The following SLC14A2 variants were observed in gnomAD, a reference collection of about 807,000 sequenced individuals.
SLC14A2 encodes urea transporter 2.
SLC14A2 carries 91 observed loss-of-function variants against 104.6 expected under a neutral mutation model. That is an observed-to-expected ratio of 0.87 (90% CI 0.73 to 1.04). SLC14A2 has a LOEUF of 1.04. Among genes scored for constraint, SLC14A2 ranks in the 50% least tolerant of loss-of-function variants. The probability of loss-of-function intolerance (pLI) is 0.00; values close to 1 mark genes in which losing one functional copy is unlikely to be tolerated. For synonymous variants in SLC14A2, 476 were observed against 466.4 expected (o/e 1.02, Z -0.27); for missense variants, 1,189 against 1,156.0 (o/e 1.03, Z -0.41).
chr18:45,596,003 G>A (rs2044714812), intron 2 of SLC14A2, among the ~76,000 whole-genome samples: 2 of 152,204 alleles, frequency 1.3e-5, no homozygotes, highest in South Asian at 4.2e-4. Context: ...TGAGTGGTAC[G>A]GACTTCATCC....
At chr18:45,388,366 A>G (rs545179696) in intron 1 of SLC14A2, among the ~76,000 whole-genome samples, 3 of 152,032 alleles carry the variant, frequency 2.0e-5, no homozygotes, top group African/African-American at 4.8e-5. Flanking sequence ...CCGGCTGCTC[A>G]TATCTTAAAT....
At chr18:45,426,509 C>A (rs139284092) in intron 1 of SLC14A2, among the ~76,000 whole-genome samples, 2 of 150,916 alleles carry the variant, frequency 1.3e-5, no homozygotes, top group Admixed American at 1.3e-4. Flanking sequence ...TATGTTTTAT[C>A]CCTGATAACA....
rs2086139358 is a variant in SLC14A2 at position 45,405,122 on chromosome 18, A to G, written c.-124-78111A>G. Among the ~76,000 whole-genome samples, 3 of 152,326 alleles carry G rather than the reference A, an allele frequency of 2.0e-5. No homozygotes were observed. In the South Asian group the frequency reaches 6.2e-4, roughly 32 times the overall value. ...GTGCTTACCTTGAAAGAAGCCCTCC[A>G]GTCATTTTCTAGACAGAGTCTGGGA... On this transcript the variant is annotated intron_variant, in intron 1 of 20. Transcript: ENST00000586448.
At chr18:45,383,199 G>A (rs2085857272) in intron 1 of SLC14A2, among the ~76,000 whole-genome samples, 1 of 152,188 alleles carries the variant, frequency 6.6e-6, no homozygotes, top group African/African-American at 2.4e-5. Flanking sequence ...CAAGACCTAG[G>A]TCTCCTGATT....
chr18:45,617,322 AG>A (rs2045089628), intron 1 of SLC14A2, among the ~76,000 whole-genome samples: 1 of 152,024 alleles, frequency 6.6e-6, no homozygotes. Flanking sequence ...CTGGCCCTGC[AG>A]CAGAAACCAG....
chr18:45,177,559 T>G, the SLC14A2 span, among the ~76,000 whole-genome samples: 1 of 152,174 alleles, frequency 6.6e-6, no homozygotes, highest in African/African-American at 2.4e-5. Context: ...GCATCTGGAA[T>G]GCTCTCCCTC....
At chr18:45,405,475 G>A (rs762648420) in intron 1 of SLC14A2, among the ~76,000 whole-genome samples, 2 of 152,076 alleles carry the variant, frequency 1.3e-5, no homozygotes, top group Non-Finnish European at 2.9e-5. Flanking sequence ...AAAGCAAGTC[G>A]CCTGAAGTGC....
chr18:45,347,461 T>C (rs978141382), intron 1 of SLC14A2, among the ~76,000 whole-genome samples: 6 of 152,236 alleles, frequency 3.9e-5, no homozygotes, highest in African/African-American at 1.4e-4. Context: ...TATTTTCTTT[T>C]CATAAAGAGA....
At chr18:45,595,270 T>C (rs1487850443) in intron 2 of SLC14A2, among the ~76,000 whole-genome samples, 6 of 152,216 alleles carry the variant, frequency 3.9e-5, no homozygotes, top group African/African-American at 1.4e-4. Context: ...AAAAATGATC[T>C]TCACAACATC....
At chr18:45,476,500 G>A (rs1223827856) in intron 1 of SLC14A2, among the ~76,000 whole-genome samples, 2 of 152,142 alleles carry the variant, frequency 1.3e-5, no homozygotes, top group Admixed American at 6.5e-5. Flanking sequence ...GGCATTTTCA[G>A]TATTTCCTGA....
chr18:45,609,052 G>A lies in SLC14A2; in HGVS notation c.-34-15579G>A, dbSNP rs73423767. On this transcript the variant is annotated intron_variant, in intron 2 of 20. Coordinates refer to the SLC14A2 transcript ENST00000586448. ...TTCATCCTACACAGGATTCTGGGAG[G>A]AGGGGAAGAAGCCCCACCAGGGAGT... is the stretch of plus-strand genomic sequence containing the variant. Among the ~76,000 whole-genome samples, 559 of 152,270 alleles carry A rather than the reference G, an allele frequency of 3.7e-3. 6 individuals are homozygous for A. Among genetic ancestry groups the A allele is most frequent in the African/African-American group, 0.011 (464 of 41,544 alleles).
chr18:45,191,834 C>T, the SLC14A2 span, among the ~76,000 whole-genome samples: 2 of 152,168 alleles, frequency 1.3e-5, no homozygotes, highest in Non-Finnish European at 1.5e-5. Flanking sequence ...GGAAAAAAAT[C>T]ATGAGTAGAT....
the SLC14A2 span, among the ~76,000 whole-genome samples, chr18:45,198,795 C>T: frequency 6.6e-6 from 1 of 152,000 alleles, no homozygotes; most frequent in Non-Finnish European, 1.5e-5. Flanking sequence ...CCTTAGATCT[C>T]CTCACTCTAA....
At chr18:45,447,040 A>G (rs2144599512) in intron 1 of SLC14A2, among the ~76,000 whole-genome samples, 1 of 151,846 alleles carries the variant, frequency 6.6e-6, no homozygotes, top group East Asian at 1.9e-4. Context: ...TGGTCTCAGC[A>G]CTTTCTAGTT....
intron 1 of SLC14A2, among the ~76,000 whole-genome samples, chr18:45,337,891 T>G (rs1250159608): frequency 2.0e-5 from 3 of 152,324 alleles, no homozygotes; most frequent in South Asian, 4.1e-4. Context: ...TCTCCAATAA[T>G]GCAGCCAGGC....
intron 1 of SLC14A2, among the ~76,000 whole-genome samples, chr18:45,348,917 A>C (rs2085475338): frequency 1.3e-5 from 2 of 152,204 alleles, no homozygotes; most frequent in Admixed American, 1.3e-4. Flanking sequence ...TAGTCATAGA[A>C]AGACTTTGAA....
intron 2 of SLC14A2, among the ~76,000 whole-genome samples, chr18:45,541,597 A>G (rs1416691816): frequency 6.6e-6 from 1 of 152,222 alleles, no homozygotes; most frequent in Non-Finnish European, 1.5e-5. Context: ...AGTTAGTTAA[A>G]ATGTAACTAG....
chr18:45,454,598 T>C (rs1202280125), intron 1 of SLC14A2, among the ~76,000 whole-genome samples: 1 of 152,216 alleles, frequency 6.6e-6, no homozygotes, highest in Non-Finnish European at 1.5e-5. Flanking sequence ...TCCTGAATGG[T>C]ATTGCCTAGG....
chr18:45,246,777 G>A (rs546308368), intron 1 of SLC14A2, among the ~76,000 whole-genome samples: 5 of 152,184 alleles, frequency 3.3e-5, no homozygotes, highest in South Asian at 2.1e-4. Context: ...TTGGGAGGCC[G>A]AGGCAGGCAG....
Sources: allele counts gnomAD v4.1 joint callset (sites outside exome capture counted in the v4.1 genomes callset), GRCh38; gene constraint gnomAD v4.1.1; transcripts MANE v1.5; gene names NCBI Gene and HGNC (gene_info 2026-07-23, HGNC 2026-07-21).